The following KAZN variants were observed in gnomAD, a reference collection of about 807,000 sequenced individuals.
KAZN encodes the protein kazrin.
KAZN carries 40 observed loss-of-function variants against 87.4 expected under a neutral mutation model. The ratio of observed to expected loss-of-function variants is 0.46; its 90% CI spans 0.36 to 0.60. KAZN has a LOEUF of 0.60. Among genes scored for constraint, KAZN ranks in the 20% least tolerant of loss-of-function variants. The pLI, the probability that KAZN is intolerant of heterozygous loss-of-function variation, is 0.00. For missense variants in KAZN, 898 were observed against 1,073.9 expected (o/e 0.84, Z 2.29); for synonymous variants, 466 against 458.3 (o/e 1.02, Z -0.22).
intron 2 of KAZN, among the ~76,000 whole-genome samples, chr1:14,337,097 T>C (rs1657324521): frequency 6.6e-6 from 1 of 152,250 alleles, no homozygotes; most frequent in South Asian, 2.1e-4. Context: ...GCAGCTTCAC[T>C]GGTTGTTAGA....
chr1:14,299,785 C>T (rs1378372548), intron 2 of KAZN, among the ~76,000 whole-genome samples: 1 of 152,216 alleles, frequency 6.6e-6, no homozygotes, highest in African/African-American at 2.4e-5. Flanking sequence ...TTTAAAGCTT[C>T]TGCTCACATC....
chr1:14,553,501 C>T (rs1271881408), intron 2 of KAZN, among the ~76,000 whole-genome samples: 2 of 152,364 alleles, frequency 1.3e-5, no homozygotes, highest in African/African-American at 4.8e-5. Flanking sequence ...TATGTATCAC[C>T]TTGGCCTTAG....
intron 2 of KAZN, among the ~76,000 whole-genome samples, chr1:14,427,737 C>T (rs981365176): frequency 2.6e-5 from 4 of 152,094 alleles, no homozygotes; most frequent in East Asian, 3.9e-4. Flanking sequence ...GTGAGTTTGC[C>T]GCCCACCAAG....
chr1:14,718,346 T>G (rs1014742613), intron 1 of KAZN, among the ~76,000 whole-genome samples: 5 of 152,202 alleles, frequency 3.3e-5, no homozygotes, highest in Admixed American at 2.0e-4. Context: ...ACTCAGCATT[T>G]TGTATGGCCC....
Position 14,856,922 on chromosome 1 carries a change from T to C in KAZN, c.227-103762T>C, listed in dbSNP as rs1650184844. 6.6e-6 allele frequency among the ~76,000 whole-genome samples: 1 copy of C among 152,102 alleles called. No individual in the cohort carries two copies. Among genetic ancestry groups the C allele is most frequent in the Admixed American group, 6.5e-5 (1 of 15,274 alleles). ...TAAGCAGAGGAAGCTAAAAGATGCT[T>C]TGGAAACTATCTTCATCCACACATA... On this transcript the variant is annotated intron_variant, in intron 1 of 14. Transcript: ENST00000376030. The surrounding 1 kb of genome is among the most constrained non-coding windows in gnomAD (Gnocchi z 5.2).
chr1:14,524,530 C>T (rs185566003), intron 2 of KAZN, among the ~76,000 whole-genome samples: 51 of 152,248 alleles, frequency 3.3e-4, no homozygotes, highest in Middle Eastern at 6.8e-3. Flanking sequence ...GGGTCTTTGA[C>T]GCTAATTGAT....
rs77224999 is a variant in KAZN, at chr1:14,907,729, G to T, written c.227-52955G>T. Among the ~76,000 whole-genome samples, 36 of 152,302 alleles carry T rather than the reference G, an allele frequency of 2.4e-4. No individual in the cohort carries two copies. The East Asian group carries it at 6.4e-3, about 27-fold the overall frequency. ...AAAGGAGAATATTCCTGGCAGGGGG[G>T]TGGACAGAGTAAGGAAAGTCATGGA... On this transcript the variant is annotated intron_variant, in intron 1 of 14. Coordinates refer to ENST00000376030, the MANE Select transcript of KAZN (RefSeq NM_201628.3).
chr1:14,658,312 A>G (rs537905970), intron 1 of KAZN, among the ~76,000 whole-genome samples: 2 of 152,208 alleles, frequency 1.3e-5, no homozygotes, highest in African/African-American at 2.4e-5. Flanking sequence ...TGATACAGAA[A>G]TTGTGTTTGG....
chr1:14,995,614 A>C (rs969347914), intron 2 of KAZN, among the ~76,000 whole-genome samples: 2 of 147,404 alleles, frequency 1.4e-5, no homozygotes, highest in African/African-American at 5.1e-5. Flanking sequence ...ACAGAGTGAG[A>C]CTCCACCTCA....
chr1:14,154,786 T>C (rs1856740), intron 1 of KAZN, among the ~76,000 whole-genome samples: 97,947 of 152,120 alleles, frequency 0.64, 33,200 homozygotes, highest in African/African-American at 0.86. Flanking sequence ...GGTGACATTA[T>C]GCATCATATT....
chr1:15,105,245 A>G (rs1641253607), intron 13 of KAZN, among the ~76,000 whole-genome samples: 1 of 152,166 alleles, frequency 6.6e-6, no homozygotes, highest in African/African-American at 2.4e-5. Context: ...GGTGTTTGTT[A>G]TTCTTTAGAC....
At chr1:14,845,158 A>G in intron 1 of KAZN, among the ~76,000 whole-genome samples, 1 of 136,698 alleles carries the variant, frequency 7.3e-6, no homozygotes. Flanking sequence ...ATGGATAGTG[A>G]GTGGATGGGT....
chr1:14,838,287 G>A (rs1411785528), intron 1 of KAZN, among the ~76,000 whole-genome samples: 1 of 152,204 alleles, frequency 6.6e-6, no homozygotes, highest in African/African-American at 2.4e-5. Context: ...CCCTACCGCT[G>A]TATACTATCA....
intron 1 of KAZN, among the ~76,000 whole-genome samples, chr1:14,937,575 C>T (rs1660598853): frequency 1.3e-5 from 2 of 152,192 alleles, no homozygotes; most frequent in African/African-American, 4.8e-5. Flanking sequence ...AGTATGGGGC[C>T]TGGGTGGGGT....
rs989521377 is a variant in KAZN, at chr1:14,556,091, G to A, written c.250-42892G>A. On this transcript the variant is annotated intron_variant, in intron 2 of 16. Transcript: ENST00000636203. ...TCCTACAAGCTAGGAGGCTCTTTTC[G>A]GGAGAAGAGCAGTTCTTTTTACTTT... Among the ~76,000 whole-genome samples, 17 of 151,502 alleles carry A rather than the reference G, an allele frequency of 1.1e-4. No individual in the cohort carries two copies. In the South Asian group the frequency reaches 1.9e-3, roughly 17 times the overall value.
intron 1 of KAZN, among the ~76,000 whole-genome samples, chr1:13,969,078 T>C (rs946457367): frequency 7.9e-5 from 12 of 152,208 alleles, no homozygotes; most frequent in Non-Finnish European, 1.5e-4. Flanking sequence ...TAATTCAGTA[T>C]ATGCCATGTG....
intron 1 of KAZN, among the ~76,000 whole-genome samples, chr1:14,832,610 A>T (rs1457031305): frequency 6.6e-6 from 1 of 152,204 alleles, no homozygotes; most frequent in Non-Finnish European, 1.5e-5. Flanking sequence ...CTGATGAGCT[A>T]AAAAGAGAAA....
chr1:14,392,317 T>A (rs1374051156), intron 2 of KAZN, among the ~76,000 whole-genome samples: 1 of 152,208 alleles, frequency 6.6e-6, no homozygotes, highest in African/African-American at 2.4e-5. Flanking sequence ...TAGTAATGAC[T>A]CAGCCTTCTC....
chr1:14,172,938 G>T (rs10928047), intron 1 of KAZN, among the ~76,000 whole-genome samples: 18,671 of 152,116 alleles, frequency 0.12, 1,266 homozygotes, highest in East Asian at 0.33. Flanking sequence ...GGTCTCAGGT[G>T]CCTCAGACTT....
Sources: gnomAD v4.1 joint callset for allele counts (sites outside exome capture counted in the v4.1 genomes callset) on GRCh38, gnomAD v4.1.1 for gene constraint, Gnocchi (gnomAD v3.1) non-coding constraint, MANE v1.5 for transcripts, NCBI Gene and HGNC (gene_info 2026-07-23, HGNC 2026-07-21) for gene names.